XKR9: variants seen among roughly 807,000 people sequenced by gnomAD.
XKR9 encodes XK-related protein 9.
In XKR9, 32 loss-of-function variants were observed where a neutral mutation model predicts 32.0. The observed-to-expected ratio is 1.00, with a 90% CI of 0.76 to 1.34. The LOEUF (loss-of-function observed/expected upper bound fraction) is 1.34. Among genes scored for constraint, XKR9 ranks in the 40% most tolerant of loss-of-function variants. The probability of loss-of-function intolerance (pLI) is 0.00; values close to 1 mark genes in which losing one functional copy is unlikely to be tolerated. For missense variants in XKR9, 546 were observed against 429.7 expected (o/e 1.27, Z -2.39); for synonymous variants, 168 against 143.4 (o/e 1.17, Z -1.22).
At chr8:71,036,489 G>T in the XKR9 span, among the ~76,000 whole-genome samples, 1 of 152,216 alleles carries the variant, frequency 6.6e-6, no homozygotes, top group Non-Finnish European at 1.5e-5. Context: ...TCACTGGAAA[G>T]TCAGCATAAT....
chr8:70,901,673 A>C, the XKR9 span, among the ~76,000 whole-genome samples: 9 of 152,064 alleles, frequency 5.9e-5, no homozygotes, highest in South Asian at 2.1e-4. Context: ...AATTAGATCC[A>C]ATTTGTCAAT....
At chr8:71,017,405 G>C in the XKR9 span, among the ~76,000 whole-genome samples, 240 of 152,264 alleles carry the variant, frequency 1.6e-3, no homozygotes, top group Non-Finnish European at 2.9e-3. Flanking sequence ...GTTGGTATGA[G>C]TGAAGTTCAC....
At chr8:70,808,738 G>A in the XKR9 span, among the ~76,000 whole-genome samples, 198 of 152,302 alleles carry the variant, frequency 1.3e-3, no homozygotes, top group African/African-American at 4.2e-3. Flanking sequence ...AGGTGGCAGC[G>A]AGGCTGGGGA....
intron 2 of XKR9, among the ~76,000 whole-genome samples, chr8:70,750,021 T>G (rs1409853566): frequency 6.6e-6 from 1 of 152,098 alleles, no homozygotes; most frequent in African/African-American, 2.4e-5. Flanking sequence ...TGTGTGTGTG[T>G]GGTGTGTGTA....
chr8:70,822,177 C>T, the XKR9 span, among the ~76,000 whole-genome samples: 2 of 152,172 alleles, frequency 1.3e-5, no homozygotes, highest in East Asian at 3.9e-4. Context: ...ATAGAAGCAC[C>T]TTCTTCATAC....
chr8:70,888,108 A>G, the XKR9 span, among the ~76,000 whole-genome samples: 1 of 151,960 alleles, frequency 6.6e-6, no homozygotes, highest in Non-Finnish European at 1.5e-5. Flanking sequence ...TTAATATACA[A>G]TAATTGTATC....
At chr8:70,730,601 A>C (rs911056840) in intron 4 of XKR9, among the ~76,000 whole-genome samples, 1 of 152,068 alleles carries the variant, frequency 6.6e-6, no homozygotes, top group African/African-American at 2.4e-5. Context: ...TAAGATTTAT[A>C]ATCTCCCCAA....
intron 1 of XKR9, among the ~76,000 whole-genome samples, chr8:70,670,177 G>C (rs1180547976): frequency 1.3e-5 from 2 of 152,138 alleles, no homozygotes; most frequent in Non-Finnish European, 2.9e-5. Flanking sequence ...GCTCCTACCT[G>C]CCTCGCACTA....
chr8:70,952,153 TACACACAC>T, the XKR9 span, among the ~76,000 whole-genome samples: 758 of 148,140 alleles, frequency 5.1e-3, 2 homozygotes, highest in Admixed American at 0.013. Context: ...AGAAAACCTT[TACACACAC>T]ACACACACAC....
At chr8:70,901,991 G>T in the XKR9 span, among the ~76,000 whole-genome samples, 7 of 152,114 alleles carry the variant, frequency 4.6e-5, no homozygotes. Flanking sequence ...TTATTTCTGA[G>T]GTCTCCATTT....
chr8:70,879,855 A>C, the XKR9 span, among the ~76,000 whole-genome samples: 1 of 152,198 alleles, frequency 6.6e-6, no homozygotes, highest in Non-Finnish European at 1.5e-5. Context: ...TCCCTGATGA[A>C]CGTTGATGCG....
the XKR9 span, among the ~76,000 whole-genome samples, chr8:71,013,956 A>G: frequency 1.9e-3 from 295 of 152,150 alleles, no homozygotes; most frequent in African/African-American, 6.9e-3. Context: ...CCAATGGTAC[A>G]TTGTTCTCCA....
chr8:70,894,939 A>G, the XKR9 span, among the ~76,000 whole-genome samples: 1 of 151,724 alleles, frequency 6.6e-6, no homozygotes, highest in East Asian at 1.9e-4. Context: ...AACAAGATAC[A>G]CTCCAGCTGT....
At chr8:70,701,968 G>T (rs1290167647) in intron 3 of XKR9, among the ~76,000 whole-genome samples, 1 of 152,130 alleles carries the variant, frequency 6.6e-6, no homozygotes, top group Non-Finnish European at 1.5e-5. Flanking sequence ...TTAAAATGTG[G>T]AAATGGCTTT....
chr8:70,946,900 G>A, the XKR9 span, among the ~76,000 whole-genome samples: 1 of 152,156 alleles, frequency 6.6e-6, no homozygotes, highest in Non-Finnish European at 1.5e-5. Context: ...GGACCAATAA[G>A]TTTTAATATG....
At chr8:70,794,823 T>TTGTGTG (rs56167343), downstream of XKR9, among the ~76,000 whole-genome samples, 3,379 of 147,544 alleles carry the variant, frequency 0.023, 67 homozygotes, top group African/African-American at 0.045. Flanking sequence ...TAGTCTTCTT[T>TTGTGTG]TGTGTGTGTG....
At chr8:70,893,703 A>T in the XKR9 span, among the ~76,000 whole-genome samples, 2 of 152,064 alleles carry the variant, frequency 1.3e-5, no homozygotes, top group African/African-American at 4.8e-5. Context: ...TAACATCCTT[A>T]GTGTCAAGGT....
Position 70,694,622 on chromosome 8 carries a change from A to G in XKR9, c.273-12311A>G, listed in dbSNP as rs188337211. Among the ~76,000 whole-genome samples, 417 of 152,298 alleles carry G rather than the reference A, an allele frequency of 2.7e-3. 1 individual carries two copies. Among genetic ancestry groups the G allele is most frequent in the African/African-American group, 9.4e-3 (390 of 41,566 alleles). On this transcript the variant is annotated intron_variant, in intron 3 of 4. Coordinates refer to ENST00000408926, the MANE Select transcript of XKR9 (RefSeq NM_001011720.2). ...CCAAAGCCTGAAGGCTAGAATGGCT[A>G]AGGTGCCTGAATAGCAAAGATGGCA...
chr8:70,766,987 G>T (rs971845861), intron 2 of XKR9, among the ~76,000 whole-genome samples: 1 of 152,172 alleles, frequency 6.6e-6, no homozygotes, highest in Non-Finnish European at 1.5e-5. Context: ...TGTGCTGCTG[G>T]ATACAATTTG....
Sources: allele counts gnomAD v4.1 joint callset (sites outside exome capture counted in the v4.1 genomes callset), GRCh38; gene constraint gnomAD v4.1.1; transcripts MANE v1.5; gene names NCBI Gene and HGNC (gene_info 2026-07-23, HGNC 2026-07-21).